The following GNRH2 variants were observed in gnomAD, a reference collection of about 807,000 sequenced individuals.
The protein encoded by GNRH2 is gonadotropin releasing hormone 2.
Under a neutral mutation model 12.1 loss-of-function variants are expected in GNRH2, and 15 were observed. The observed-to-expected ratio is 1.24, with a 90% CI of 0.83 to 1.90. GNRH2 has a LOEUF of 1.90. GNRH2 is among the 40% of genes most tolerant of loss of function. The pLI, the probability that GNRH2 is intolerant of heterozygous loss-of-function variation, is 0.00. For missense variants in GNRH2, 143 were observed against 141.4 expected, an observed-to-expected ratio of 1.01 and a Z score of -0.06; for synonymous variants, 60 against 62.0, an observed-to-expected ratio of 0.97 and a Z score of 0.15.
chr20:3,045,717 C>A lies in GNRH2; in HGVS notation c.323C>A (p.Pro108Gln). 1 of 1,608,580 alleles carries A rather than the reference C, an allele frequency of 6.2e-7. No homozygotes were observed. Among genetic ancestry groups the A allele is most frequent in the Non-Finnish European group, 8.5e-7 (1 of 1,175,454 alleles). ...GCCCGAGAGCCCCGCCCCGCCCCGC[C>A]ATCCTCCAATAAAGTGTGAGGTTCT... ...TAAREPRPAP[P>Q]SSNKV The change falls in exon 4 of 4, where the codon CCA becomes CAA. Residue 108 changes from proline (P) to glutamine (Q), a missense_variant. Transcript: ENST00000359100.
In GNRH2 at chr20:3,044,447, G is replaced by A. The variant is rs775355683; in HGVS notation, c.33G>A (p.Leu11=). The part of the protein sequence containing the change: MASSRRGLLL[L]LLLTAHLGPS... Reference sequence around the variant, plus strand: ...GCTCCAGGCGAGGCCTCCTGCTCCTGCTGCTGCTGACTGCCCACCTTGGAC... The same window carrying A: ...GCTCCAGGCGAGGCCTCCTGCTCCTACTGCTGCTGACTGCCCACCTTGGAC... Residue 11 remains leucine, a synonymous_variant, in exon 2 of 4, where the codon CTG becomes CTA. Coordinates refer to ENST00000359100, the MANE Select transcript of GNRH2 (RefSeq NM_178331.2). The A allele has an allele frequency of 1.9e-6, 3 of 1,611,064 alleles. No individual in the cohort carries two copies. In the South Asian group the frequency reaches 3.3e-5, roughly 18 times the overall value.
Position 3,045,722 on chromosome 20 carries a change from T to A in GNRH2, c.328T>A (p.Ser110Thr), listed in dbSNP as rs1473972052. 12 of 1,553,880 alleles carry A rather than the reference T, an allele frequency of 7.7e-6. No individual in the cohort carries two copies. In the East Asian group the frequency reaches 2.3e-4, roughly 30 times the overall value. Residue 110 changes from serine to threonine, a missense_variant, in exon 4 of 4, where the codon TCC becomes ACC. Physicochemically the swap from Ser to Thr is moderately conservative, Grantham distance 58 (BLOSUM62 1). Coordinates refer to ENST00000359100, the MANE Select transcript of GNRH2 (RefSeq NM_178331.2). Reference sequence around the variant, plus strand: ...AGAGCCCCGCCCCGCCCCGCCATCCTCCAATAAAGTGTGAGGTTCTCCGAA... The same window carrying A: ...AGAGCCCCGCCCCGCCCCGCCATCCACCAATAAAGTGTGAGGTTCTCCGAA... ...AREPRPAPPS[S>T]NKV
intron 1 of GNRH2, 66 bp from the exon 2 acceptor site, chr20:3,044,342 C>T: frequency 2.2e-6 from 3 of 1,360,052 alleles, no homozygotes; most frequent in Non-Finnish European, 3.1e-6. Context: ...CCAAAGTGGC[C>T]CTGGAGGAAG....
Position 3,045,646 on chromosome 20 carries a change from C to T in GNRH2, c.292-40C>T, listed in dbSNP as rs2065981393. 2.6e-6 allele frequency: 4 copies of T among 1,562,684 alleles called. No homozygotes were observed. In the Admixed American group the frequency reaches 6.7e-5, roughly 26 times the overall value. ...AGATGGCAGCTCGGCGGTTACGAGA[C>T]CAGTGTCCTGAGACATGACCGCCAC... On this transcript the variant is annotated intron_variant, in intron 3 of 3. Coordinates refer to ENST00000359100, the MANE Select transcript of GNRH2 (RefSeq NM_178331.2).
chr20:3,044,602 A>C (rs1298825511), intron 2 of GNRH2, 34 bp downstream of exon 2: 1 of 1,611,220 alleles, frequency 6.2e-7, no homozygotes, highest in Non-Finnish European at 8.5e-7. Context: ...GGAGGAAGAA[A>C]GTGATGGCCG....
At chr20:3,044,214 T>A (rs1051278480) in intron 1 of GNRH2, 194 bp from the exon 2 acceptor site, 1 of 565,338 alleles carries the variant, frequency 1.8e-6, no homozygotes, top group Non-Finnish European at 3.2e-6. Flanking sequence ...TGGAGCATCA[T>A]CCCCTGCTGG....
intron 3 of GNRH2, among the ~76,000 whole-genome samples, 189 bp downstream of exon 3, chr20:3,045,025 A>G (rs1568719115): frequency 6.6e-6 from 1 of 152,102 alleles, no homozygotes; most frequent in East Asian, 1.9e-4. Context: ...TATCCTTCCT[A>G]TTTCCCAGGA....
Position 3,044,506 on chromosome 20 carries a change from A to G in GNRH2, c.92A>G (p.Tyr31Cys). The G allele has an allele frequency of 6.2e-7, 1 of 1,613,706 alleles. No homozygotes were observed. Residue 31 changes from tyrosine (Y) to cysteine (C), a missense_variant, in exon 2 of 4, where the codon TAC becomes TGC. Transcript: ENST00000359100. ...GCTCAGCACTGGTCCCATGGCTGGT[A>G]CCCTGGAGGAAAGCGAGCCCTCAGC... is the stretch of plus-strand genomic sequence containing the variant. ...SEAQHWSHGWYPGGKRALSSA... is the reference protein window; with the variant it reads ...SEAQHWSHGWCPGGKRALSSA...
intron 3 of GNRH2, among the ~76,000 whole-genome samples, 161 bp from the exon 4 acceptor site, chr20:3,045,525 C>G (rs947254525): frequency 6.6e-6 from 1 of 151,990 alleles, no homozygotes; most frequent in Non-Finnish European, 1.5e-5. Context: ...GATCCCCACA[C>G]TAGCTGGATC....
chr20:3,045,711 C>T lies in GNRH2; in HGVS notation c.317C>T (p.Ala106Val). Residue 106 changes from alanine to valine, a missense_variant, in exon 4 of 4, where the codon GCC (alanine) becomes GTC (valine). Transcript: ENST00000359100. ...ACCGCAGCCCGAGAGCCCCGCCCCG[C>T]CCCGCCATCCTCCAATAAAGTGTGA... ...LLTAAREPRP[A>V]PPSSNKV is the part of the protein sequence containing the mutation. 6.2e-7 allele frequency: 1 copy of T among 1,611,228 alleles called. No homozygotes were observed. The highest frequency in any genetic ancestry group is 2.2e-5 in the East Asian group (1 of 44,800).
chr20:3,045,142 G>T (rs1454929121), intron 3 of GNRH2, among the ~76,000 whole-genome samples: 2 of 152,264 alleles, frequency 1.3e-5, no homozygotes, highest in East Asian at 3.9e-4. Flanking sequence ...GATCCCACAG[G>T]CATCCTGACA....
chr20:3,044,002 C>T, intron 1 of GNRH2: 1 of 194,862 alleles, frequency 5.1e-6, no homozygotes, highest in South Asian at 1.2e-4. Flanking sequence ...TCCAAACACG[C>T]CTACATTGAG....
At chr20:3,044,239 G>T in intron 1 of GNRH2, 169 bp from the exon 2 acceptor site, 1 of 590,886 alleles carries the variant, frequency 1.7e-6, no homozygotes, top group African/African-American at 1.8e-5. Flanking sequence ...GGATCCCCCA[G>T]GATCTGGACC....
chr20:3,045,642 G>A lies in GNRH2; in HGVS notation c.292-44G>A, dbSNP rs371531736. The A allele has an allele frequency of 9.2e-5, 142 of 1,546,008 alleles. No homozygotes were observed. In the African/African-American group the frequency reaches 9.9e-4, roughly 11 times the overall value. ...AGGAAGATGGCAGCTCGGCGGTTAC[G>A]AGACCAGTGTCCTGAGACATGACCG... On this transcript the variant is annotated intron_variant, in intron 3 of 3. Coordinates refer to ENST00000359100, the MANE Select transcript of GNRH2 (RefSeq NM_178331.2).
Position 3,044,834 on chromosome 20 carries a change from C to T in GNRH2, c.289C>T (p.Leu97=). The change falls in exon 3 of 4, where the codon CTG becomes TTG. Residue 97 remains leucine, a splice_region_variant and synonymous_variant. Transcript: ENST00000359100. ...GAAGCGACACCTGGCACGGACACTGCTGGTGAGTAGGGTGAGAGGTCCCCA... is the reference window on the plus strand; with the variant it reads ...GAAGCGACACCTGGCACGGACACTGTTGGTGAGTAGGGTGAGAGGTCCCCA... The part of the protein sequence containing the change: ...HRKRHLARTL[L]TAAREPRPAP... 6.2e-7 allele frequency: 1 copy of T among 1,603,318 alleles called. No individual in the cohort carries two copies. The highest frequency in any genetic ancestry group is 8.5e-7 in the Non-Finnish European group (1 of 1,172,424).
chr20:3,044,125 C>T (rs914311628), intron 1 of GNRH2: 3 of 427,542 alleles, frequency 7.0e-6, no homozygotes, highest in Non-Finnish European at 1.3e-5. Context: ...ATGGATGGAC[C>T]TGGACAAGTG....
chr20:3,045,003 G>A (rs964551894), intron 3 of GNRH2, among the ~76,000 whole-genome samples, 167 bp downstream of exon 3: 2 of 152,144 alleles, frequency 1.3e-5, no homozygotes, highest in African/African-American at 4.8e-5. Flanking sequence ...CACACAGCAG[G>A]GTGCTGTCTG....
intron 3 of GNRH2, 145 bp from the exon 4 acceptor site, chr20:3,045,541 G>A: frequency 1.5e-6 from 1 of 672,060 alleles, no homozygotes; most frequent in African/African-American, 1.8e-5. Flanking sequence ...GGATCCTCAG[G>A]CTTCTACGGG....
rs2065971738 is a variant in GNRH2, at chr20:3,044,806, C to T, written c.261C>T (p.His87=). Residue 87 remains histidine (H), a synonymous_variant, in exon 3 of 4, where the codon CAC becomes CAT. Transcript: ENST00000359100. The stretch of plus-strand genomic sequence containing the variant: ...GGACCACGGCCCAGTGGTCCCTTCA[C>T]AGGAAGCGACACCTGGCACGGACAC... ...EGRTTAQWSL[H]RKRHLARTLL... The T allele has an allele frequency of 6.2e-7, 1 of 1,611,730 alleles. No individual in the cohort carries two copies.
Sources: gnomAD v4.1 joint callset for allele counts (sites outside exome capture counted in the v4.1 genomes callset) on GRCh38, gnomAD v4.1.1 for gene constraint, MANE v1.5 for transcripts, NCBI Gene and HGNC (gene_info 2026-07-23, HGNC 2026-07-21) for gene names.